The following CROCC variants were observed in gnomAD, a reference collection of about 807,000 sequenced individuals.
CROCC encodes the protein ciliary rootlet coiled-coil, rootletin.
In CROCC, 180 loss-of-function variants were observed where a neutral mutation model predicts 245.2. The ratio of observed to expected loss-of-function variants is 0.73; its 90% CI spans 0.65 to 0.83. The LOEUF (loss-of-function observed/expected upper bound fraction) is 0.83, where lower values mean the gene tolerates loss of function less well. Ranked by LOEUF, CROCC falls within the 40% of genes least tolerant of loss-of-function variation. The pLI, the probability that CROCC is intolerant of heterozygous loss-of-function variation, is 0.00. For synonymous variants in CROCC, 1,205 were observed against 1,241.6 expected, an observed-to-expected ratio of 0.97 and a Z score of 0.62; for missense variants, 2,688 against 2,779.4, an observed-to-expected ratio of 0.97 and a Z score of 0.74.
intron 27 of CROCC, among the ~76,000 whole-genome samples, chr1:16,963,370 G>T (rs1315618136): frequency 1.3e-5 from 2 of 151,890 alleles, no homozygotes; most frequent in Admixed American, 1.3e-4. Flanking sequence ...TGGACAGCAG[G>T]GGCCAGCAGT....
chr1:16,921,942 G>T lies in CROCC; in HGVS notation c.-77G>T, dbSNP rs2075415260. On this transcript the variant is annotated 5_prime_UTR_variant, in exon 1 of 37. Transcript: ENST00000375541. ...GCCTGGTGCTCAGCACAGCATCCTG[G>T]CTGTGGCGCGTGCTGACTGAGCTAG... 11 of 1,404,294 alleles carry T rather than the reference G, an allele frequency of 7.8e-6. No individual in the cohort carries two copies. The highest frequency in any genetic ancestry group is 8.9e-6 in the Non-Finnish European group (9 of 1,013,146). 87.0% of individuals were successfully genotyped at this position (1,404,294 alleles called of 1,614,324 possible).
At chr1:16,952,576 A>G (rs4083425) in intron 20 of CROCC, among the ~76,000 whole-genome samples, 13 of 151,768 alleles carry the variant, frequency 8.6e-5, no homozygotes, top group East Asian at 1.9e-4. Context: ...CAGGCTCCCC[A>G]GGTGGGCTGC....
intron 13 of CROCC, among the ~76,000 whole-genome samples, chr1:16,942,835 G>A (rs1201051193): frequency 6.6e-6 from 1 of 152,284 alleles, no homozygotes; most frequent in Admixed American, 6.5e-5. Flanking sequence ...ACTGAGCGAG[G>A]TGGCTCACAC....
chr1:16,927,082 C>G (rs113303546), intron 3 of CROCC, among the ~76,000 whole-genome samples: 1 of 152,182 alleles, frequency 6.6e-6, no homozygotes, highest in African/African-American at 2.4e-5. Flanking sequence ...AGTGTGTACA[C>G]GACATGGGCT....
rs760336239 is a variant in CROCC at position 16,965,741 on chromosome 1, A to C, written c.4424A>C (p.Asn1475Thr). 6 of 1,612,052 alleles carry C rather than the reference A, an allele frequency of 3.7e-6. No individual in the cohort carries two copies. Among genetic ancestry groups the C allele is most frequent in the Non-Finnish European group, 4.2e-6 (5 of 1,178,540 alleles). ...APAEGSGEGL[N>T]SPSTLECSPG... Reference sequence around the variant, plus strand: ...CTTCTAGGAAGCGGGGAAGGGCTCAACAGCCCCAGCACCTTAGAATGCAGC... The same window carrying C: ...CTTCTAGGAAGCGGGGAAGGGCTCACCAGCCCCAGCACCTTAGAATGCAGC... The change falls in exon 28 of 37, where the codon AAC becomes ACC. Residue 1475 changes from asparagine (N) to threonine (T), a missense_variant. Asn to Thr is a moderately conservative substitution (Grantham distance 65). This residue lies in a region of CROCC where 1,218 missense variants were observed against 1,286.3 expected (regional missense o/e 0.95). Coordinates refer to ENST00000375541, the MANE Select transcript of CROCC (RefSeq NM_014675.5).
At chr1:16,955,672 C>A in intron 24 of CROCC, 122 bp downstream of exon 24, 2 of 922,576 alleles carry the variant, frequency 2.2e-6, no homozygotes, top group Non-Finnish European at 3.2e-6. Flanking sequence ...CTAAGCAGAG[C>A]CTGGCACCTG....
chr1:16,952,176 G>C (rs1043369272), intron 20 of CROCC, among the ~76,000 whole-genome samples: 4 of 149,342 alleles, frequency 2.7e-5, no homozygotes, highest in Non-Finnish European at 5.9e-5. Context: ...CATGAGCTAC[G>C]GTGAAGATCT....
chr1:16,936,185 C>T (rs1354944688), intron 8 of CROCC, among the ~76,000 whole-genome samples: 1 of 152,214 alleles, frequency 6.6e-6, no homozygotes, highest in Non-Finnish European at 1.5e-5. Context: ...AACTCCTGGG[C>T]TCAAGCAATC....
At chr1:16,922,973 A>AT (rs1557572878) in intron 2 of CROCC, among the ~76,000 whole-genome samples, 175 bp downstream of exon 2, 1 of 152,274 alleles carries the variant, frequency 6.6e-6, no homozygotes, top group Non-Finnish European at 1.5e-5. Context: ...CAGGGATGTA[A>AT]TTTGTCCAGA....
Position 16,936,708 on chromosome 1 carries a change from G to C in CROCC, c.1028G>C (p.Ser343Thr). ...GTCCAGGAGGCGGGCCTGGGACTGA[G>C]CACGGGCCTACGGCTGGCAGAGAGC... ...RAVQEAGLGL[S>T]TGLRLAESRA... The change falls in exon 9 of 37, where the codon AGC becomes ACC. Residue 343 changes from serine (S) to threonine (T), a missense_variant. Ser to Thr is a moderately conservative substitution (Grantham distance 58). This residue lies in a region of CROCC where 972 missense variants were observed against 895.3 expected (regional missense o/e 1.09). Transcript: ENST00000375541. 6.2e-7 allele frequency: 1 copy of C among 1,606,058 alleles called. No individual in the cohort carries two copies. The highest frequency in any genetic ancestry group is 8.5e-7 in the Non-Finnish European group (1 of 1,177,114).
intron 8 of CROCC, among the ~76,000 whole-genome samples, chr1:16,931,802 G>T (rs2075683252): frequency 6.6e-6 from 1 of 152,240 alleles, no homozygotes; most frequent in African/African-American, 2.4e-5. Flanking sequence ...CTGTCACCAG[G>T]CTGGAGTGAG....
In CROCC at chr1:16,939,972, C is replaced by T. The variant is rs1243757523; in HGVS notation, c.1687C>T (p.Arg563Trp). The T allele has an allele frequency of 1.2e-6, 2 of 1,612,612 alleles. No homozygotes were observed. Among genetic ancestry groups the T allele is most frequent in the South Asian group, 1.1e-5 (1 of 91,032 alleles). The change falls in exon 13 of 37, where the codon CGG (arginine) becomes TGG (tryptophan). Residue 563 changes from arginine to tryptophan, a missense_variant. By Grantham distance (101) the Arg-to-Trp change is moderately radical. Coordinates refer to ENST00000375541, the MANE Select transcript of CROCC (RefSeq NM_014675.5). ...RKQLSDSESE[R>W]RALEEQLQRL... ...GCAGCTTAGCGACAGCGAGAGCGAG[C>T]GGCGGGCCCTAGAGGAACAGCTGCA...
At position 16,953,360 on chromosome 1, in the gene CROCC, G is replaced by T; in HGVS notation, c.3065G>T (p.Arg1022Leu). 1.2e-6 allele frequency: 2 copies of T among 1,608,754 alleles called. No individual in the cohort carries two copies. Among genetic ancestry groups the T allele is most frequent in the Non-Finnish European group, 1.7e-6 (2 of 1,178,964 alleles). Reference sequence around the variant, plus strand: ...GCCCAGCTGCAGAGTCAGCTGCAGCGTGAGCAGGAGGAGCTGCTGGCCCGG... The same window carrying T: ...GCCCAGCTGCAGAGTCAGCTGCAGCTTGAGCAGGAGGAGCTGCTGGCCCGG... Reference protein sequence around the residue: ...ERAQLQSQLQREQEELLARLE... With the variant: ...ERAQLQSQLQLEQEELLARLE... The change falls in exon 21 of 37, where the codon CGT becomes CTT. Residue 1022 changes from arginine to leucine, a missense_variant. By Grantham distance (102) the Arg-to-Leu change is moderately radical. This residue lies in a region of CROCC where 106 missense variants were observed against 126.1 expected (regional missense o/e 0.84). Coordinates refer to ENST00000375541, the MANE Select transcript of CROCC (RefSeq NM_014675.5).
In CROCC at chr1:16,936,820, C is replaced by T; in HGVS notation, c.1140C>T (p.Asp380=). ...QLRDKVLREK[D]LAQQQMQSDL... is the part of the protein sequence containing the mutation. ...GGGACAAGGTGCTCCGCGAGAAGGACCTGGCGCAGCAGCAGATGCAAAGCG... is the reference window on the plus strand; with the variant it reads ...GGGACAAGGTGCTCCGCGAGAAGGATCTGGCGCAGCAGCAGATGCAAAGCG... The change falls in exon 9 of 37, where the codon GAC becomes GAT. Residue 380 remains aspartate, a synonymous_variant. Coordinates refer to ENST00000375541, the MANE Select transcript of CROCC (RefSeq NM_014675.5). 2 of 1,612,340 alleles carry T rather than the reference C, an allele frequency of 1.2e-6. No individual in the cohort carries two copies. Among genetic ancestry groups the T allele is most frequent in the South Asian group, 1.1e-5 (1 of 91,002 alleles).
intron 17 of CROCC, 142 bp from the exon 18 acceptor site, chr1:16,948,189 G>A: frequency 1.4e-6 from 2 of 1,396,530 alleles, no homozygotes; most frequent in Non-Finnish European, 1.9e-6. Flanking sequence ...ACTTGCCCAA[G>A]TACATGTAGC....
Position 16,934,468 on chromosome 1 carries a change from TTTTG to T in CROCC, c.957-2157_957-2154del, listed in dbSNP as rs1275805345. Among the ~76,000 whole-genome samples the T allele has an allele frequency of 4.6e-5, 7 of 152,218 alleles. No homozygotes were observed. In the South Asian group the frequency reaches 8.3e-4, roughly 18 times the overall value. On this transcript the variant is annotated intron_variant, in intron 8 of 36. Coordinates refer to ENST00000375541, the MANE Select transcript of CROCC (RefSeq NM_014675.5). ...GTGTGCACCACTATATCTAGCTAAT[TTTTG>T]TTTGTTTGTTTTTAGAGACAGGGTC...
In CROCC at chr1:16,951,108, C is replaced by T. The variant is rs1380111300; in HGVS notation, c.2992C>T (p.Leu998Phe). The T allele has an allele frequency of 6.5e-7, 1 of 1,549,874 alleles. No homozygotes were observed. The highest frequency in any genetic ancestry group is 2.1e-5 in the Admixed American group (1 of 47,386). The change falls in exon 20 of 37, where the codon CTC becomes TTC. Residue 998 changes from leucine (L) to phenylalanine (F), a missense_variant. Physicochemically the swap from Leu to Phe is conservative, Grantham distance 22. This residue lies in a region of CROCC where 106 missense variants were observed against 126.1 expected (regional missense o/e 0.84). Coordinates refer to ENST00000375541, the MANE Select transcript of CROCC (RefSeq NM_014675.5). ...RAAHEEDLQR[L>F]QREKEAAWRE... ...AGCTCACGAGGAGGACTTACAGCGA[C>T]TCCAGCGTGAAAAGGTTCAGGCAGC...
intron 27 of CROCC, among the ~76,000 whole-genome samples, chr1:16,961,605 CT>C (rs1217882330): frequency 6.6e-6 from 1 of 151,900 alleles, no homozygotes; most frequent in African/African-American, 2.4e-5. Context: ...TGGGGTGATT[CT>C]TTTTTTTCAA....
intron 4 of CROCC, 35 bp from the exon 5 acceptor site, chr1:16,930,089 A>G (rs1408660890): frequency 1.3e-6 from 2 of 1,576,604 alleles, no homozygotes; most frequent in African/African-American, 2.7e-5. Flanking sequence ...CCCCGCCCCA[A>G]CCCCTGGGGC....
Sources: gnomAD v4.1 joint callset for allele counts (sites outside exome capture counted in the v4.1 genomes callset) on GRCh38, gnomAD v4.1.1 for gene constraint, gnomAD v4.1.1 regional missense constraint, MANE v1.5 for transcripts, NCBI Gene and HGNC (gene_info 2026-07-23, HGNC 2026-07-21) for gene names.